Variants in DOCK8 observed in about 807,000 individuals in gnomAD.
The protein encoded by DOCK8 is dedicator of cytokinesis 8, also known as dedicator of cytokinesis protein 8.
DOCK8 carries 141 observed loss-of-function variants against 245.6 expected under a neutral mutation model. The observed-to-expected ratio is 0.57, with a 90% CI of 0.50 to 0.66. DOCK8 has a LOEUF of 0.66. Ranked by LOEUF, DOCK8 falls within the 30% of genes least tolerant of loss-of-function variation. DOCK8 has a pLI of 0.00. For synonymous variants in DOCK8, 1,168 were observed against 970.2 expected (o/e 1.20, Z -3.79); for missense variants, 2,965 against 2,603.4 (o/e 1.14, Z -3.02).
chr9:441,827 C>T lies in DOCK8; in HGVS notation c.5356-48C>T, dbSNP rs10974467. 0.78 allele frequency: 1,230,167 copies of T among 1,581,518 alleles called. 472,732 individuals carry two copies. The highest frequency in any genetic ancestry group is 0.99 in the East Asian group (44,509 of 44,852). ...CCCTGCCCTTTGCAACTCAGTGGCT[C>T]CTCAGGATGACATAACTAAGGAGAG... On this transcript the variant is annotated intron_variant, in intron 41 of 47. Coordinates refer to ENST00000432829, the MANE Select transcript of DOCK8 (RefSeq NM_203447.4).
Position 406,814 on chromosome 9 carries a change from C to A in DOCK8, c.3391-116C>A. 9.7e-6 allele frequency: 13 copies of A among 1,338,870 alleles called. No individual in the cohort carries two copies. In the South Asian group the frequency reaches 1.5e-4, roughly 16 times the overall value. 82.9% of individuals were successfully genotyped at this position (1,338,870 alleles called of 1,614,324 possible). A position where few individuals can be genotyped will look rare whatever the true frequency, so the allele number is the denominator to read the frequency against. The stretch of plus-strand genomic sequence containing the variant: ...GCCTTATCTGGCACCAGAGTACCTA[C>A]CTCACTGGGGAGGGCTCACGAAGCC... On this transcript the variant is annotated intron_variant, in intron 27 of 47. Transcript: ENST00000432829.
At chr9:305,432 G>A (rs1969950) in intron 5 of DOCK8, among the ~76,000 whole-genome samples, 85,772 of 151,118 alleles carry the variant, frequency 0.57, 25,041 homozygotes, top group East Asian at 0.84. Context: ...ACAGGCTCCC[G>A]CCACCACGCC....
chr9:333,695 CA>C (rs1308461152), intron 10 of DOCK8, among the ~76,000 whole-genome samples: 1 of 119,058 alleles, frequency 8.4e-6, no homozygotes, highest in African/African-American at 3.7e-5. Context: ...TTATTGAACT[CA>C]AGGCATTTTT....
chr9:441,751 C>T (rs1320247254), intron 41 of DOCK8, 124 bp from the exon 42 acceptor site: 2 of 1,257,538 alleles, frequency 1.6e-6, no homozygotes, highest in African/African-American at 3.0e-5. Flanking sequence ...GGAGTAATTT[C>T]TGTTTACATC....
intron 25 of DOCK8, among the ~76,000 whole-genome samples, chr9:398,292 C>A (rs2054558329): frequency 6.6e-6 from 1 of 152,190 alleles, no homozygotes; most frequent in African/African-American, 2.4e-5. Context: ...AGTTCGAGGA[C>A]CTCTCAGCGG....
At chr9:415,065 T>A in intron 29 of DOCK8, 114 bp downstream of exon 29, 2 of 1,458,484 alleles carry the variant, frequency 1.4e-6, no homozygotes, top group Non-Finnish European at 1.9e-6. Flanking sequence ...TGAGCAATTC[T>A]TCACAAAAAT....
intron 1 of DOCK8, among the ~76,000 whole-genome samples, chr9:262,921 T>C (rs1337154940): frequency 6.6e-6 from 1 of 152,042 alleles, no homozygotes; most frequent in Non-Finnish European, 1.5e-5. Flanking sequence ...TAATAACTGA[T>C]ATAGGCAGGG....
chr9:373,117 A>G (rs2053372292), intron 18 of DOCK8, among the ~76,000 whole-genome samples: 1 of 152,184 alleles, frequency 6.6e-6, no homozygotes, highest in Admixed American at 6.5e-5. Context: ...CAGTGAGCTG[A>G]GATCACACCA....
chr9:432,650 G>A (rs940569885), intron 37 of DOCK8, among the ~76,000 whole-genome samples: 3 of 152,136 alleles, frequency 2.0e-5, no homozygotes, highest in South Asian at 2.1e-4. Flanking sequence ...AAGAGAGGTC[G>A]TGATCAATAA....
chr9:305,976 A>G (rs2049809564), intron 5 of DOCK8, among the ~76,000 whole-genome samples: 4 of 152,142 alleles, frequency 2.6e-5, no homozygotes, highest in Admixed American at 2.6e-4. Flanking sequence ...GAGTTTCGGC[A>G]TCCCAAGATG....
At chr9:423,440 G>T (rs1199703624) in intron 33 of DOCK8, among the ~76,000 whole-genome samples, 1 of 152,174 alleles carries the variant, frequency 6.6e-6, no homozygotes, top group Non-Finnish European at 1.5e-5. Context: ...TGACAAGGTA[G>T]GATACCCCAT....
intron 1 of DOCK8, among the ~76,000 whole-genome samples, chr9:238,711 A>G (rs926391306): frequency 1.3e-5 from 2 of 152,244 alleles, no homozygotes; most frequent in East Asian, 3.8e-4. Flanking sequence ...GCATATTTCC[A>G]GTTACAAAAT....
In DOCK8 at chr9:402,765, A is replaced by G. The variant is rs76993460; in HGVS notation, c.3235-2153A>G. Among the ~76,000 whole-genome samples, 96 of 152,374 alleles carry G rather than the reference A, an allele frequency of 6.3e-4. No homozygotes were observed. In the East Asian group the frequency reaches 0.016, roughly 26 times the overall value. ...CCTCAATTACTGTCTGTCACTTACAATGTGCCACTAAGCAAACACCCATCC... is the reference window on the plus strand; with the variant it reads ...CCTCAATTACTGTCTGTCACTTACAGTGTGCCACTAAGCAAACACCCATCC... On this transcript the variant is annotated intron_variant, in intron 26 of 47. Coordinates refer to ENST00000432829, the MANE Select transcript of DOCK8 (RefSeq NM_203447.4).
intron 14 of DOCK8, among the ~76,000 whole-genome samples, chr9:347,227 G>T (rs1208635592): frequency 6.6e-6 from 1 of 152,082 alleles, no homozygotes; most frequent in Non-Finnish European, 1.5e-5. Flanking sequence ...CTCCATACCG[G>T]GCACAGCGGC....
chr9:270,304 C>T (rs1057480419), intron 1 of DOCK8, among the ~76,000 whole-genome samples: 2 of 152,212 alleles, frequency 1.3e-5, no homozygotes, highest in Non-Finnish European at 2.9e-5. Context: ...TGAAGGTGCT[C>T]CAGTCTTATT....
chr9:454,934 C>T (rs2057587173), intron 46 of DOCK8, among the ~76,000 whole-genome samples: 1 of 152,182 alleles, frequency 6.6e-6, no homozygotes, highest in African/African-American at 2.4e-5. Context: ...AATGGACTTT[C>T]CTAGGGGTCG....
At position 400,934 on chromosome 9, in the gene DOCK8, TCCA is replaced by T. The variant is rs1156392796; in HGVS notation, c.3234+1685_3234+1687del. On this transcript the variant is annotated intron_variant, in intron 26 of 47. Coordinates refer to ENST00000432829, the MANE Select transcript of DOCK8 (RefSeq NM_203447.4). ...CAGCTCCTTCACCATCACCACAACA[TCCA>T]CCACCACCATCACCACCACCACCAC... Among the ~76,000 whole-genome samples, 60 of 20,518 alleles carry T rather than the reference TCCA, an allele frequency of 2.9e-3. 3 individuals carry two copies. Among genetic ancestry groups the T allele is most frequent in the African/African-American group, 0.019 (20 of 1,052 alleles). 13.5% of individuals were successfully genotyped at this position (20,518 alleles called of 152,430 possible). A position where few individuals can be genotyped will look rare whatever the true frequency, so the allele number is the denominator to read the frequency against.
chr9:437,475 A>G (rs1373911902), intron 39 of DOCK8, among the ~76,000 whole-genome samples: 2 of 152,240 alleles, frequency 1.3e-5, no homozygotes, highest in African/African-American at 2.4e-5. Flanking sequence ...GGCCAGAGAA[A>G]TGGAGTGCTC....
At chr9:244,612 C>T (rs2047462291) in intron 1 of DOCK8, among the ~76,000 whole-genome samples, 1 of 152,148 alleles carries the variant, frequency 6.6e-6, no homozygotes, top group Non-Finnish European at 1.5e-5. Flanking sequence ...TTTTAGATCC[C>T]ATACAACACC....
Sources: gnomAD v4.1 joint callset for allele counts (sites outside exome capture counted in the v4.1 genomes callset) on GRCh38, gnomAD v4.1.1 for gene constraint, MANE v1.5 for transcripts, NCBI Gene and HGNC (gene_info 2026-07-23, HGNC 2026-07-21) for gene names.